The following LINGO1 variants were observed in gnomAD, a reference collection of about 807,000 sequenced individuals.
LINGO1 encodes leucine rich repeat and Ig domain containing 1.
A neutral mutation model predicts 37.3 loss-of-function variants in LINGO1; 11 were observed. The observed-to-expected ratio is 0.29, with a 90% CI of 0.19 to 0.49. The LOEUF (loss-of-function observed/expected upper bound fraction) is 0.49. Ranked by LOEUF, LINGO1 falls within the 20% of genes least tolerant of loss-of-function variation. LINGO1 has a pLI of 0.99. For synonymous variants in LINGO1, 387 were observed against 403.0 expected (o/e 0.96, Z 0.48); for missense variants, 585 against 878.2 (o/e 0.67, Z 4.22).
At chr15:77,625,478 A>G (rs2074059860) in intron 1 of LINGO1, among the ~76,000 whole-genome samples, 1 of 152,116 alleles carries the variant, frequency 6.6e-6, no homozygotes, top group Non-Finnish European at 1.5e-5. Context: ...TTTGAACCCC[A>G]ATGGTTTGGC....
At chr15:77,706,292 C>T (rs553137052) in intron 2 of LINGO1, among the ~76,000 whole-genome samples, 3 of 152,328 alleles carry the variant, frequency 2.0e-5, no homozygotes, top group East Asian at 1.9e-4. Flanking sequence ...AGGCCCACCA[C>T]GGCCTGCCAG....
At chr15:77,784,443 G>A (rs1207117550) in intron 1 of LINGO1, among the ~76,000 whole-genome samples, 1 of 152,260 alleles carries the variant, frequency 6.6e-6, no homozygotes, top group African/African-American at 2.4e-5. Context: ...GGATCGTGCT[G>A]CAGGCAGCAA....
intron 1 of LINGO1, among the ~76,000 whole-genome samples, chr15:77,622,759 C>G (rs1307736011): frequency 2.0e-5 from 3 of 152,186 alleles, no homozygotes; most frequent in Non-Finnish European, 4.4e-5. Flanking sequence ...GTCACCCCAG[C>G]CCGGGTTTTT....
At chr15:77,711,205 G>C (rs1347156389) in intron 2 of LINGO1, among the ~76,000 whole-genome samples, 1 of 152,170 alleles carries the variant, frequency 6.6e-6, no homozygotes, top group Admixed American at 6.5e-5. Context: ...AAGAATTTCA[G>C]CCCCAAATCC....
intron 1 of LINGO1, among the ~76,000 whole-genome samples, chr15:77,739,560 T>A (rs1259352412): frequency 2.0e-5 from 3 of 152,186 alleles, no homozygotes; most frequent in Admixed American, 6.5e-5. Context: ...CCCTTTCTCT[T>A]GCAAGCTTTA....
At chr15:77,813,701 T>C (rs1320351534) in intron 1 of LINGO1, among the ~76,000 whole-genome samples, 2 of 152,162 alleles carry the variant, frequency 1.3e-5, no homozygotes, top group Admixed American at 6.5e-5. Flanking sequence ...AGCCGTGAAA[T>C]AGCATGTTTT....
intron 1 of LINGO1, among the ~76,000 whole-genome samples, chr15:77,693,606 A>G (rs2075641755): frequency 6.6e-6 from 1 of 152,192 alleles, no homozygotes; most frequent in Non-Finnish European, 1.5e-5. Context: ...CTTCATTGTT[A>G]AGAGTTCTCT....
intron 1 of LINGO1, among the ~76,000 whole-genome samples, chr15:77,783,858 CG>C (rs1567582750): frequency 1.3e-5 from 2 of 152,164 alleles, no homozygotes; most frequent in African/African-American, 4.8e-5. Flanking sequence ...CCACTCCAGC[CG>C]GGAGTGGGAG....
chr15:77,747,636 A>G (rs1310842787), intron 1 of LINGO1, among the ~76,000 whole-genome samples: 1 of 152,144 alleles, frequency 6.6e-6, no homozygotes, highest in East Asian at 1.9e-4. Flanking sequence ...CCTGCAAGAC[A>G]GCAGCGTGAG....
At chr15:77,779,757 C>T (rs549008591) in intron 1 of LINGO1, among the ~76,000 whole-genome samples, 24 of 152,168 alleles carry the variant, frequency 1.6e-4, no homozygotes, top group Non-Finnish European at 2.6e-4. Flanking sequence ...CTAACAGGGC[C>T]AGTCCCCCGG....
upstream of LINGO1, chr15:77,820,480 G>C (rs1214027834): frequency 6.6e-6 from 1 of 152,542 alleles, no homozygotes; most frequent in South Asian, 2.1e-4. Flanking sequence ...GGTGTGCGGC[G>C]GTGTAGGCTG....
intron 1 of LINGO1, among the ~76,000 whole-genome samples, chr15:77,783,667 G>C (rs1352559347): frequency 6.6e-6 from 1 of 152,184 alleles, no homozygotes. Flanking sequence ...AGATGAGACT[G>C]TATCTCAAAA....
intron 3 of LINGO1, chr15:77,651,836 A>G (rs2074763633): frequency 6.6e-6 from 1 of 152,182 alleles, no homozygotes; most frequent in African/African-American, 2.4e-5. Flanking sequence ...TTTCAAGGGA[A>G]AAGGGCTCTA....
intron 1 of LINGO1, among the ~76,000 whole-genome samples, chr15:77,626,648 C>G (rs1309291254): frequency 6.6e-6 from 1 of 152,230 alleles, no homozygotes; most frequent in Non-Finnish European, 1.5e-5. Flanking sequence ...AGGAGCTTAT[C>G]AAGGCAGAGG....
chr15:77,636,910 G>A (rs1027078034), upstream of LINGO1, among the ~76,000 whole-genome samples: 3 of 152,214 alleles, frequency 2.0e-5, no homozygotes, highest in Non-Finnish European at 2.9e-5. Flanking sequence ...CTGGTGCACT[G>A]TGGAGGCCAG....
chr15:77,699,632 C>A (rs935145023), upstream of LINGO1, among the ~76,000 whole-genome samples: 2 of 115,902 alleles, frequency 1.7e-5, no homozygotes, highest in Non-Finnish European at 3.7e-5. Flanking sequence ...ACAAACTAAA[C>A]ACATACTAAC....
chr15:77,624,783 C>A (rs976187010), intron 1 of LINGO1, among the ~76,000 whole-genome samples: 1 of 152,044 alleles, frequency 6.6e-6, no homozygotes, highest in African/African-American at 2.4e-5. Context: ...TTGCCCAGTA[C>A]CCCCAGTTGG....
At chr15:77,676,494 C>T (rs758390299) in intron 3 of LINGO1, among the ~76,000 whole-genome samples, 27 of 152,168 alleles carry the variant, frequency 1.8e-4, no homozygotes, top group Non-Finnish European at 3.1e-4. Flanking sequence ...GGCACCAGGC[C>T]GAAAGCCTTC....
chr15:77,621,432 A>G (rs2073914907), intron 1 of LINGO1, among the ~76,000 whole-genome samples: 1 of 152,232 alleles, frequency 6.6e-6, no homozygotes, highest in Non-Finnish European at 1.5e-5. Context: ...CAGATGAGAA[A>G]AACAGAGGCT....
Sources: allele counts gnomAD v4.1 joint callset (sites outside exome capture counted in the v4.1 genomes callset), GRCh38; gene constraint gnomAD v4.1.1; transcripts MANE v1.5; gene names NCBI Gene and HGNC (gene_info 2026-07-23, HGNC 2026-07-21).